SECISBP2L: variants seen among roughly 807,000 people sequenced by gnomAD.
SECISBP2L encodes SECIS binding protein 2 like, also known as selenocysteine insertion sequence-binding protein 2-like.
A neutral mutation model predicts 114.7 loss-of-function variants in SECISBP2L; 43 were observed. The ratio of observed to expected loss-of-function variants is 0.38; its 90% CI spans 0.29 to 0.48. The LOEUF is 0.48. Among genes scored for constraint, SECISBP2L ranks in the 20% least tolerant of loss-of-function variants. SECISBP2L has a pLI of 0.98. For missense variants in SECISBP2L, 1,136 were observed against 1,301.1 expected, an observed-to-expected ratio of 0.87 and a Z score of 1.95; for synonymous variants, 451 against 439.7, an observed-to-expected ratio of 1.03 and a Z score of -0.32.
At chr15:49,009,712 A>T (rs1260218462) in intron 13 of SECISBP2L, among the ~76,000 whole-genome samples, 2 of 148,208 alleles carry the variant, frequency 1.3e-5, no homozygotes, top group African/African-American at 2.5e-5. Flanking sequence ...CCATCTCTTT[A>T]AAAAAAAAAC....
intron 16 of SECISBP2L, 84 bp downstream of exon 16, chr15:48,999,749 A>G (rs1566852048): frequency 9.7e-6 from 14 of 1,447,400 alleles, no homozygotes; most frequent in African/African-American, 2.8e-5. Context: ...ATGCTTAAAC[A>G]TAACACTGGC....
At chr15:49,021,184 T>G (rs2141074827) in intron 7 of SECISBP2L, among the ~76,000 whole-genome samples, 1 of 152,256 alleles carries the variant, frequency 6.6e-6, no homozygotes, top group African/African-American at 2.4e-5. Context: ...GACAGCCACC[T>G]ATGAACCACA....
chr15:48,997,262 G>C (rs1172704822), intron 16 of SECISBP2L, among the ~76,000 whole-genome samples: 1 of 152,228 alleles, frequency 6.6e-6, no homozygotes, highest in African/African-American at 2.4e-5. Flanking sequence ...TGTATTCTGA[G>C]TGATGTTCAG....
intron 1 of SECISBP2L, among the ~76,000 whole-genome samples, chr15:49,038,818 G>A (rs1903064178): frequency 6.6e-6 from 1 of 151,822 alleles, no homozygotes; most frequent in Non-Finnish European, 1.5e-5. Flanking sequence ...TGAAATGCAA[G>A]CTAATGTTTT....
rs544216197 is a variant in SECISBP2L, at chr15:49,043,756, C to T, written c.24+2520G>A. On this transcript the variant is annotated intron_variant, in intron 1 of 17. Coordinates refer to ENST00000559471, the MANE Select transcript of SECISBP2L (RefSeq NM_001193489.2). ...TAAAAAGTGCTGAAAGAGGATACTC[C>T]TAAGATTTTCTTCTAGTTATAACAT... is the stretch of plus-strand genomic sequence containing the variant. Among the ~76,000 whole-genome samples the T allele has an allele frequency of 9.9e-5, 15 of 151,982 alleles. No individual in the cohort carries two copies. In the East Asian group the frequency reaches 2.9e-3, roughly 29 times the overall value.
In SECISBP2L at chr15:49,037,696, A is replaced by T. The variant is rs559985240; in HGVS notation, c.98T>A (p.Met33Lys). The T allele has an allele frequency of 4.5e-5, 73 of 1,613,744 alleles. No homozygotes were observed. Among genetic ancestry groups the T allele is most frequent in the Non-Finnish European group, 6.2e-5 (73 of 1,179,854 alleles). ...ACTTCCATTATCATTTGGGAGAGCCATAGGGATCATAAATGTATCAGGACT... is the reference window on the plus strand; with the variant it reads ...ACTTCCATTATCATTTGGGAGAGCCTTAGGGATCATAAATGTATCAGGACT... ...KKSPDTFMIP[M>K]ALPNDNGSVS... The change falls in exon 2 of 18, where the codon ATG becomes AAG. Residue 33 changes from methionine to lysine, a missense_variant. By Grantham distance (95) the Met-to-Lys change is moderately conservative. This residue lies in a region of SECISBP2L where 452 missense variants were observed against 452.3 expected (regional missense o/e 1.00). Coordinates refer to ENST00000559471, the MANE Select transcript of SECISBP2L (RefSeq NM_001193489.2).
intron 1 of SECISBP2L, among the ~76,000 whole-genome samples, chr15:49,040,830 G>A (rs1057099632): frequency 1.3e-5 from 2 of 151,482 alleles, no homozygotes; most frequent in African/African-American, 2.4e-5. Context: ...GAGCCACCGC[G>A]CCCGGCCGAT....
chr15:49,033,849 C>T (rs931704279), intron 3 of SECISBP2L, among the ~76,000 whole-genome samples: 1 of 151,902 alleles, frequency 6.6e-6, no homozygotes, highest in Admixed American at 6.6e-5. Flanking sequence ...ATCAATCAAT[C>T]AATATTAATA....
chr15:49,023,555 T>C (rs1289850299), intron 7 of SECISBP2L, among the ~76,000 whole-genome samples: 1 of 152,220 alleles, frequency 6.6e-6, no homozygotes, highest in African/African-American at 2.4e-5. Flanking sequence ...TAGAAACTGA[T>C]TCTATACATA....
chr15:48,999,738 A>G (rs1356407204), intron 16 of SECISBP2L, 95 bp downstream of exon 16: 73 of 1,360,592 alleles, frequency 5.4e-5, no homozygotes, highest in Non-Finnish European at 7.1e-5. Context: ...CACTCCTTCA[A>G]ATGCTTAAAC....
At chr15:49,009,706 C>T (rs1188118873) in intron 13 of SECISBP2L, among the ~76,000 whole-genome samples, 2 of 151,630 alleles carry the variant, frequency 1.3e-5, no homozygotes, top group Admixed American at 6.6e-5. Flanking sequence ...AGACTTCCAT[C>T]TCTTTAAAAA....
intron 4 of SECISBP2L, among the ~76,000 whole-genome samples, chr15:49,029,641 T>C (rs902647318): frequency 1.3e-5 from 2 of 152,212 alleles, no homozygotes; most frequent in African/African-American, 2.4e-5. Context: ...AACATGCATA[T>C]ATGCATATGT....
intron 2 of SECISBP2L, among the ~76,000 whole-genome samples, chr15:49,036,650 T>C (rs877008): frequency 0.014 from 2,082 of 152,354 alleles, 64 homozygotes; most frequent in African/African-American, 0.048. Flanking sequence ...CTAACTTCAA[T>C]TGAAAATGAT....
chr15:49,032,841 G>A (rs1902921513), intron 4 of SECISBP2L, 124 bp downstream of exon 4: 1 of 1,238,456 alleles, frequency 8.1e-7, no homozygotes, highest in Admixed American at 2.3e-5. Flanking sequence ...ATTTCACAAA[G>A]TGGCAGGACA....
intron 3 of SECISBP2L, 82 bp downstream of exon 3, chr15:49,035,252 G>T: frequency 8.3e-7 from 1 of 1,206,056 alleles, no homozygotes; most frequent in Non-Finnish European, 1.2e-6. Flanking sequence ...CAGCATTAAT[G>T]GTCAATCAAC....
chr15:49,020,007 G>GA (rs1313506821), intron 7 of SECISBP2L, among the ~76,000 whole-genome samples: 1 of 152,172 alleles, frequency 6.6e-6, no homozygotes, highest in Non-Finnish European at 1.5e-5. Context: ...CAAAATTATT[G>GA]AAACAACAAA....
At chr15:49,045,837 C>A (rs1566865815) in intron 1 of SECISBP2L, among the ~76,000 whole-genome samples, 1 of 152,134 alleles carries the variant, frequency 6.6e-6, no homozygotes, top group African/African-American at 2.4e-5. Flanking sequence ...CTAAAAGGCC[C>A]GTGACTTCCC....
Position 49,037,579 on chromosome 15 carries a change from TA to T in SECISBP2L, c.203+11del. 1.2e-6 allele frequency: 2 copies of T among 1,607,842 alleles called. No individual in the cohort carries two copies. The highest frequency in any genetic ancestry group is 1.7e-6 in the Non-Finnish European group (2 of 1,178,208). On this transcript the variant is annotated intron_variant, in intron 2 of 17. Coordinates refer to ENST00000559471, the MANE Select transcript of SECISBP2L (RefSeq NM_001193489.2). ...ACCCCCACAAAAAAGAAAATAAAAA[TA>T]AACAAATTACCTATTGGACTGGTTT...
chr15:48,997,258 C>G (rs968450376), intron 16 of SECISBP2L, among the ~76,000 whole-genome samples: 5 of 152,150 alleles, frequency 3.3e-5, no homozygotes, highest in African/African-American at 1.2e-4. Flanking sequence ...TGAGTGTATT[C>G]TGAGTGATGT....
Sources: gnomAD v4.1 joint callset for allele counts (sites outside exome capture counted in the v4.1 genomes callset) on GRCh38, gnomAD v4.1.1 for gene constraint, gnomAD v4.1.1 regional missense constraint, MANE v1.5 for transcripts, NCBI Gene and HGNC (gene_info 2026-07-23, HGNC 2026-07-21) for gene names.